The following EPM2A variants were observed in gnomAD, a reference collection of about 807,000 sequenced individuals.
The protein encoded by EPM2A is EPM2A glucan phosphatase, laforin.
Under a neutral mutation model 26.5 loss-of-function variants are expected in EPM2A, and 21 were observed. The observed-to-expected ratio is 0.79, with a 90% CI of 0.56 to 1.14. EPM2A has a LOEUF of 1.14. EPM2A is among the 50% of genes most tolerant of loss of function. The pLI is 0.00. For synonymous variants in EPM2A, 217 were observed against 177.6 expected (o/e 1.22, Z -1.76); for missense variants, 458 against 440.8 (o/e 1.04, Z -0.35).
rs1295022131 is a variant in EPM2A at position 145,683,307 on chromosome 6, GAGTGTGTA to G, written c.476+2807_476+2814del. On this transcript the variant is annotated intron_variant, in intron 2 of 3. Transcript: ENST00000367519. ...TGTGTGTGTGTGTGTGTGTGTGTGT[GAGTGTGTA>G]TATATTAGATTATATATTATACTCC... Among the ~76,000 whole-genome samples the G allele has an allele frequency of 7.0e-4, 95 of 135,386 alleles. No homozygotes were observed. The East Asian group carries it at 0.016, about 22-fold the overall frequency. 88.8% of individuals were successfully genotyped at this position (135,386 alleles called of 152,430 possible).
intron 4 of EPM2A, among the ~76,000 whole-genome samples, chr6:145,433,501 CCTT>C (rs377365881): frequency 1.2e-3 from 190 of 152,192 alleles, no homozygotes; most frequent in African/African-American, 4.3e-3. Flanking sequence ...CTTCTTCCCA[CCTT>C]CTTATTAGCT....
At chr6:145,685,979 T>G in intron 2 of EPM2A, 143 bp downstream of exon 2, 2 of 724,076 alleles carry the variant, frequency 2.8e-6, no homozygotes, top group Non-Finnish European at 4.9e-6. Context: ...ACTGATTCAC[T>G]GTAATTTTCT....
intron 2 of EPM2A, among the ~76,000 whole-genome samples, chr6:145,656,325 G>A (rs1424266380): frequency 1.3e-5 from 2 of 152,176 alleles, no homozygotes; most frequent in African/African-American, 4.8e-5. Flanking sequence ...CAGGCCAGAT[G>A]GGAGCCCAGA....
intron 2 of EPM2A, among the ~76,000 whole-genome samples, chr6:145,543,377 C>A (rs543923646): frequency 1.4e-3 from 207 of 152,084 alleles, no homozygotes; most frequent in African/African-American, 4.7e-3. Flanking sequence ...AACGCCAAAC[C>A]ATAGAATGGA....
chr6:145,584,254 A>T (rs1171539284), intron 2 of EPM2A, among the ~76,000 whole-genome samples: 1 of 152,028 alleles, frequency 6.6e-6, no homozygotes, highest in Non-Finnish European at 1.5e-5. Flanking sequence ...GTGCTCTCTG[A>T]TGGTTAGGTG....
At chr6:145,598,794 G>A (rs946751372) in intron 2 of EPM2A, among the ~76,000 whole-genome samples, 8 of 152,126 alleles carry the variant, frequency 5.3e-5, no homozygotes, top group African/African-American at 1.7e-4. Context: ...ATGGTGTAGG[G>A]AAGGGGTCTA....
At chr6:145,637,091 G>A (rs1722028907) in intron 2 of EPM2A, 1 of 152,134 alleles carries the variant, frequency 6.6e-6, no homozygotes, top group African/African-American at 2.4e-5. Context: ...TACAATTAAT[G>A]TACCTGAATT....
intron 4 of EPM2A, among the ~76,000 whole-genome samples, chr6:145,452,905 T>C (rs1014628614): frequency 5.9e-5 from 9 of 152,180 alleles, no homozygotes; most frequent in South Asian, 2.1e-4. Context: ...AATCAAACTT[T>C]GCAAATCAAA....
At chr6:145,561,782 C>G (rs1390128662) in intron 2 of EPM2A, among the ~76,000 whole-genome samples, 1 of 152,106 alleles carries the variant, frequency 6.6e-6, no homozygotes, top group Non-Finnish European at 1.5e-5. Flanking sequence ...TCTCGTTTTT[C>G]TGCATGCAGA....
chr6:145,627,302 G>A lies in EPM2A; in HGVS notation c.*114C>T. ...TCCCAGGTGAAAGTGGTTGGCTTGG[G>A]GGAGGTCACACAGTCCTTTCAGTTC... On this transcript the variant is annotated 3_prime_UTR_variant, in exon 4 of 4. Transcript: ENST00000367519. 1.3e-6 allele frequency: 2 copies of A among 1,587,278 alleles called. No individual in the cohort carries two copies. Among genetic ancestry groups the A allele is most frequent in the South Asian group, 1.1e-5 (1 of 88,426 alleles).
chr6:145,453,695 A>G (rs1323921442), intron 4 of EPM2A, among the ~76,000 whole-genome samples: 1 of 152,124 alleles, frequency 6.6e-6, no homozygotes, highest in Non-Finnish European at 1.5e-5. Context: ...AGCAGACCAA[A>G]AAGTACTTAA....
chr6:145,545,877 C>G (rs1399429659), intron 2 of EPM2A, among the ~76,000 whole-genome samples: 4 of 152,088 alleles, frequency 2.6e-5, no homozygotes, highest in Non-Finnish European at 5.9e-5. Flanking sequence ...TTTTTCTTCG[C>G]GTACACTTAG....
chr6:145,666,136 T>C (rs915541395), intron 2 of EPM2A, among the ~76,000 whole-genome samples: 3 of 146,740 alleles, frequency 2.0e-5, no homozygotes, highest in Admixed American at 1.4e-4. Flanking sequence ...ACCGCTCCTA[T>C]TCCATAGTGT....
intron 2 of EPM2A, among the ~76,000 whole-genome samples, chr6:145,648,972 TA>T (rs202102514): frequency 0.011 from 1,736 of 152,346 alleles, 20 homozygotes; most frequent in South Asian, 0.02. Context: ...TCTTTCTTGA[TA>T]AAGGATTCAT....
chr6:145,395,732 C>T (rs1778396500), intron 4 of EPM2A, among the ~76,000 whole-genome samples: 1 of 152,130 alleles, frequency 6.6e-6, no homozygotes, highest in Non-Finnish European at 1.5e-5. Flanking sequence ...GACTATACTG[C>T]TTTTATAGAC....
chr6:145,598,458 T>C (rs1781377297), intron 2 of EPM2A, among the ~76,000 whole-genome samples: 1 of 152,320 alleles, frequency 6.6e-6, no homozygotes, highest in South Asian at 2.1e-4. Flanking sequence ...AAGTTCTTCA[T>C]AGATAATATC....
At chr6:145,701,350 A>T (rs1242920575) in intron 1 of EPM2A, among the ~76,000 whole-genome samples, 2 of 152,152 alleles carry the variant, frequency 1.3e-5, no homozygotes, top group East Asian at 3.9e-4. Context: ...ATCTTCCTAA[A>T]TGTCTGCTTT....
intron 1 of EPM2A, among the ~76,000 whole-genome samples, chr6:145,711,662 T>C (rs1775334304): frequency 1.3e-5 from 2 of 152,150 alleles, no homozygotes; most frequent in South Asian, 2.1e-4. Flanking sequence ...AGATAAATGA[T>C]AGTATTAGAG....
intron 2 of EPM2A, among the ~76,000 whole-genome samples, chr6:145,675,344 A>G (rs1362766786): frequency 1.3e-5 from 2 of 152,234 alleles, no homozygotes; most frequent in African/African-American, 4.8e-5. Context: ...CCAAATAGTA[A>G]AGACCATCGA....
Sources: allele counts gnomAD v4.1 joint callset (sites outside exome capture counted in the v4.1 genomes callset), GRCh38; gene constraint gnomAD v4.1.1; transcripts MANE v1.5; gene names NCBI Gene and HGNC (gene_info 2026-07-23, HGNC 2026-07-21).